Variants in CA5B observed in about 807,000 individuals in gnomAD.
CA5B encodes the protein carbonic anhydrase 5B, mitochondrial.
In CA5B, 15 loss-of-function variants were observed where a neutral mutation model predicts 23.1. The ratio of observed to expected loss-of-function variants is 0.65; its 90% CI spans 0.43 to 1.00. CA5B has a LOEUF of 1.00. Ranked by LOEUF, CA5B falls within the 50% of genes least tolerant of loss-of-function variation. The pLI is 0.00. For synonymous variants in CA5B, 84 were observed against 98.5 expected (o/e 0.85, Z 0.87); for missense variants, 236 against 252.2 (o/e 0.94, Z 0.43).
At chrX:15,753,562 C>G (rs1026425726) in intron 2 of CA5B, among the ~76,000 whole-genome samples, 2 of 112,459 alleles carry the variant, frequency 1.8e-5, no homozygotes, top group East Asian at 5.6e-4. Flanking sequence ...ATGGACATTT[C>G]TCCCACAAGG....
chrX:15,752,522 A>G (rs6653984), intron 2 of CA5B, among the ~76,000 whole-genome samples: 2,591 of 101,972 alleles, frequency 0.025, 49 homozygotes, highest in African/African-American at 0.075. Context: ...TCAGGAGATC[A>G]AGACTATCCT....
chrX:15,746,885 G>A (rs1425992127), intron 1 of CA5B, among the ~76,000 whole-genome samples: 3 of 111,300 alleles, frequency 2.7e-5, no homozygotes, highest in Admixed American at 9.6e-5. Flanking sequence ...TATCTCAAGC[G>A]CTGATCTTAG....
At chrX:15,746,512 G>A (rs1008170381) in intron 1 of CA5B, among the ~76,000 whole-genome samples, 1 of 111,661 alleles carries the variant, frequency 9.0e-6, no homozygotes, top group Non-Finnish European at 1.9e-5. Flanking sequence ...GAAAGACCAC[G>A]GGGCATTGTA....
rs1012869064 is a variant in CA5B at position 15,783,989 on chromosome X, G to C, written c.*1325G>C. On this transcript the variant is annotated 3_prime_UTR_variant, in exon 8 of 8. Transcript: ENST00000318636. ...TGCAACCTCCACCTCCCGGGTTTAA[G>C]CGATTCTCCTGCCTCAGCCTCCTGA... The C allele has an allele frequency of 9.9e-6, 1 of 101,186 alleles. No individual in the cohort carries two copies. Among genetic ancestry groups the C allele is most frequent in the Non-Finnish European group, 2.0e-5 (1 of 50,538 alleles). The allele number at this position is 101,186 out of a possible 1,213,427, so 8.3% of individuals were successfully genotyped here.
intron 2 of CA5B, among the ~76,000 whole-genome samples, chrX:15,750,777 C>G (rs1030640623): frequency 8.9e-6 from 1 of 112,042 alleles, no homozygotes; most frequent in African/African-American, 3.3e-5. Flanking sequence ...CTTCCTCACA[C>G]CTCTCTCATC....
chrX:15,768,982 G>A (rs931260101), intron 3 of CA5B: 9 of 111,643 alleles, frequency 8.1e-5, no homozygotes, highest in African/African-American at 2.9e-4. Flanking sequence ...GCAGTGCTTA[G>A]AGGGAAATGT....
At chrX:15,764,543 C>G in intron 2 of CA5B, 35 bp from the exon 3 acceptor site, 1 of 1,207,836 alleles carries the variant, frequency 8.3e-7, no homozygotes, top group African/African-American at 1.7e-5. Context: ...CTCGGTCCAA[C>G]AGTCTTGATA....
intron 5 of CA5B, 32 bp from the exon 6 acceptor site, chrX:15,775,214 T>C: frequency 9.3e-7 from 1 of 1,078,932 alleles, no homozygotes; most frequent in Middle Eastern, 2.5e-4. Flanking sequence ...ATGTCCATTG[T>C]TTGTAATATT....
intron 1 of CA5B, among the ~76,000 whole-genome samples, chrX:15,742,557 A>G (rs1601775660): frequency 8.9e-6 from 1 of 112,311 alleles, no homozygotes. Context: ...TATTTTTAGT[A>G]GAGTCGTGGT....
rs1931676124 is a variant in CA5B at position 15,764,922 on chromosome X, A to G, written c.340+147A>G. ...TTGATCTTAACTTTTTGAATGTGTG[A>G]AAAAAAATTCCTTCTAGTTTTTATG... is the stretch of plus-strand genomic sequence containing the variant. On this transcript the variant is annotated intron_variant, in intron 3 of 7. Coordinates refer to ENST00000318636, the MANE Select transcript of CA5B (RefSeq NM_007220.4). 5 of 966,517 alleles carry G rather than the reference A, an allele frequency of 5.2e-6. No individual in the cohort carries two copies. The South Asian group carries it at 1.0e-4, about 19-fold the overall frequency. 79.7% of individuals were successfully genotyped at this position (966,517 alleles called of 1,213,427 possible). A position where few individuals can be genotyped will look rare whatever the true frequency, so the allele number is the denominator to read the frequency against.
At chrX:15,763,814 A>G (rs1431519038) in intron 2 of CA5B, among the ~76,000 whole-genome samples, 1 of 112,316 alleles carries the variant, frequency 8.9e-6, no homozygotes, top group Non-Finnish European at 1.9e-5. Flanking sequence ...AACTGATGGT[A>G]TAACTCTCAG....
chrX:15,767,849 C>T (rs7049954), intron 3 of CA5B, among the ~76,000 whole-genome samples: 2,243 of 102,798 alleles, frequency 0.022, 67 homozygotes, highest in African/African-American at 0.076. Flanking sequence ...CCACCTGCCT[C>T]GGCCTCCCAA....
intron 7 of CA5B, among the ~76,000 whole-genome samples, chrX:15,779,774 A>G (rs897234374): frequency 1.6e-4 from 18 of 111,595 alleles, no homozygotes; most frequent in African/African-American, 5.8e-4. Flanking sequence ...TTTGTGGCCT[A>G]TACATTTAGT....
chrX:15,750,197 A>C, intron 2 of CA5B, 32 bp downstream of exon 2: 1 of 1,064,492 alleles, frequency 9.4e-7, no homozygotes, highest in Non-Finnish European at 1.3e-6. Flanking sequence ...AGAGAACAAA[A>C]AGGGCTCCAG....
intron 3 of CA5B, chrX:15,767,042 C>A: frequency 2.3e-6 from 2 of 866,150 alleles, no homozygotes; most frequent in Non-Finnish European, 3.0e-6. Context: ...CTCTACTTGT[C>A]CCCCATGGGG....
chrX:15,786,776 A>G lies in CA5B; in HGVS notation c.*4112A>G, dbSNP rs1414988657. ...TAAAGAAGCAACAATGGGAAGAAGC[A>G]GCCGATCCTCCTCAGTGCACCTTTT... On this transcript the variant is annotated 3_prime_UTR_variant, in exon 8 of 8. Transcript: ENST00000318636. 8.9e-6 allele frequency: 1 copy of G among 111,843 alleles called. No homozygotes were observed. Among genetic ancestry groups the G allele is most frequent in the African/African-American group, 3.3e-5 (1 of 30,713 alleles). 9.2% of individuals were successfully genotyped at this position (111,843 alleles called of 1,213,427 possible).
intron 5 of CA5B, among the ~76,000 whole-genome samples, chrX:15,774,900 G>A (rs762811156): frequency 2.9e-4 from 33 of 112,214 alleles, no homozygotes; most frequent in Non-Finnish European, 6.0e-4. Context: ...CAATAGAGTG[G>A]TCACAAGCCA....
intron 4 of CA5B, 30 bp downstream of exon 4, chrX:15,772,644 A>G (rs369516982): frequency 3.3e-5 from 29 of 880,093 alleles, no homozygotes; most frequent in Non-Finnish European, 3.6e-5. Flanking sequence ...AACAGTGACA[A>G]CTGTAGAGAA....
In CA5B at chrX:15,750,169, A is replaced by G. The variant is rs745821056; in HGVS notation, c.142+4A>G. On this transcript the variant is annotated splice_donor_region_variant and intron_variant, in intron 2 of 7. Coordinates refer to ENST00000318636, the MANE Select transcript of CA5B (RefSeq NM_007220.4). The stretch of plus-strand genomic sequence containing the variant: ...TACAAAACCCGGAACCGAGCCTGTG[A>G]GTACACCACTTCCTTAAAGAGAACA... The G allele has an allele frequency of 7.6e-6, 9 of 1,184,879 alleles. No individual in the cohort carries two copies. The highest frequency in any genetic ancestry group is 2.2e-5 in the Admixed American group (1 of 44,881).
Sources: gnomAD v4.1 joint callset for allele counts (sites outside exome capture counted in the v4.1 genomes callset) on GRCh38, gnomAD v4.1.1 for gene constraint, MANE v1.5 for transcripts, NCBI Gene and HGNC (gene_info 2026-07-23, HGNC 2026-07-21) for gene names.